Variants in RNPEP observed in about 807,000 individuals in gnomAD.
RNPEP encodes arginyl aminopeptidase, also known as aminopeptidase B.
In RNPEP, 57 loss-of-function variants were observed where a neutral mutation model predicts 70.1. That is an observed-to-expected ratio of 0.81 (90% CI 0.66 to 1.01). RNPEP has a LOEUF of 1.01. Ranked by LOEUF, RNPEP falls within the 50% of genes least tolerant of loss-of-function variation. RNPEP has a pLI of 0.00. For missense variants in RNPEP, 787 were observed against 852.4 expected (o/e 0.92, Z 0.96); for synonymous variants, 335 against 357.4 (o/e 0.94, Z 0.71).
rs1683715960 is a variant in RNPEP at position 201,999,826 on chromosome 1, AGTGTCTCTGTCAGGAAAATACACTTGGAT to A, written c.1091-72_1091-44del. 21 of 1,147,670 alleles carry A rather than the reference AGTGTCTCTGTCAGGAAAATACACTTGGAT, an allele frequency of 1.8e-5. No individual in the cohort carries two copies. The Admixed American group carries it at 4.3e-4, about 23-fold the overall frequency. The allele number at this position is 1,147,670 out of a possible 1,614,324, so 71.1% of individuals were successfully genotyped here. A position where few individuals can be genotyped will look rare whatever the true frequency, so the allele number is the denominator to read the frequency against. On this transcript the variant is annotated intron_variant, in intron 5 of 10. Transcript: ENST00000295640. Reference sequence around the variant, plus strand: ...TCTTGAGGCCACAAGGAGGCAGCACAGTGTCTCTGTCAGGAAAATACACTTGGATGTGGTGACAGACGTTTTCCCGAGGC... The same window carrying A: ...TCTTGAGGCCACAAGGAGGCAGCACAGTGGTGACAGACGTTTTCCCGAGGC...
At position 201,982,689 on chromosome 1, in the gene RNPEP, C is replaced by A; in HGVS notation, c.23C>A (p.Pro8His). The A allele has an allele frequency of 7.2e-7, 1 of 1,392,528 alleles. No individual in the cohort carries two copies. Among genetic ancestry groups the A allele is most frequent in the African/African-American group, 1.5e-5 (1 of 65,976 alleles). The allele number at this position is 1,392,528 out of a possible 1,614,324, so 86.3% of individuals were successfully genotyped here. A position where few individuals can be genotyped will look rare whatever the true frequency, so the allele number is the denominator to read the frequency against. The part of the protein sequence containing the change: MASGEHS[P>H]GSGAARRPLH... ...GCCATGGCGAGCGGCGAGCATTCCC[C>A]CGGCAGCGGCGCGGCCCGGCGGCCG... Residue 8 changes from proline (P) to histidine (H), a missense_variant, in exon 1 of 11, where the codon CCC (proline) becomes CAC (histidine). Transcript: ENST00000295640.
Position 201,985,179 on chromosome 1 carries a change from C to A in RNPEP, c.447+2066C>A, listed in dbSNP as rs1330125957. Among the ~76,000 whole-genome samples the A allele has an allele frequency of 5.1e-5, 7 of 136,524 alleles. No homozygotes were observed. The Admixed American group carries it at 5.4e-4, about 11-fold the overall frequency. 89.6% of individuals were successfully genotyped at this position (136,524 alleles called of 152,430 possible). On this transcript the variant is annotated intron_variant, in intron 1 of 10. Coordinates refer to ENST00000295640, the MANE Select transcript of RNPEP (RefSeq NM_020216.4). ...TTGCATTCCAGCCTGGGTGACACAG[C>A]GAGGCTCCATCTAAAAAAAAAAAAA...
At position 202,000,033 on chromosome 1, in the gene RNPEP, G is replaced by C. The variant is rs574786600; in HGVS notation, c.1204+18G>C. 1.9e-6 allele frequency: 3 copies of C among 1,570,106 alleles called. No individual in the cohort carries two copies. The highest frequency in any genetic ancestry group is 2.6e-6 in the Non-Finnish European group (3 of 1,142,030). On this transcript the variant is annotated intron_variant, in intron 6 of 10. Coordinates refer to ENST00000295640, the MANE Select transcript of RNPEP (RefSeq NM_020216.4). ...TGAACCAGGTCCAGGAGGCTCCTCT[G>C]TCTGACACCCACTCCCCTCAATTGA...
intron 3 of RNPEP, among the ~76,000 whole-genome samples, chr1:201,990,091 C>T (rs1329826120): frequency 7.9e-5 from 12 of 152,300 alleles, no homozygotes; most frequent in Admixed American, 5.9e-4. Flanking sequence ...GTGATTCACC[C>T]GCCTTGGCCT....
At chr1:202,001,116 G>A (rs1026738982) in intron 6 of RNPEP, 3 of 457,258 alleles carry the variant, frequency 6.6e-6, no homozygotes, top group African/African-American at 3.9e-5. Context: ...CTGAGATCTT[G>A]GAAGTACCTT....
chr1:202,004,234 G>C lies in RNPEP; in HGVS notation c.1652-120G>C, dbSNP rs193250827. The C allele has an allele frequency of 1.3e-4, 140 of 1,094,918 alleles. 4 individuals carry two copies. In the South Asian group the frequency reaches 2.1e-3, roughly 16 times the overall value. The allele number at this position is 1,094,918 out of a possible 1,614,324, so 67.8% of individuals were successfully genotyped here. On this transcript the variant is annotated intron_variant, in intron 9 of 10. Transcript: ENST00000295640. Reference sequence around the variant, plus strand: ...GTAGAGATGGGGTTTCGCCATATTGGCCAGGCTGGTCTCACATTCCTGACC... The same window carrying C: ...GTAGAGATGGGGTTTCGCCATATTGCCCAGGCTGGTCTCACATTCCTGACC...
At chr1:202,004,287 CA>C in intron 9 of RNPEP, 66 bp from the exon 10 acceptor site, 1 of 1,578,528 alleles carries the variant, frequency 6.3e-7, no homozygotes, top group Admixed American at 1.8e-5. Flanking sequence ...CTCAGCCTCC[CA>C]AAATTCTAGT....
Position 202,001,438 on chromosome 1 carries a change from T to C in RNPEP, c.1267T>C (p.Tyr423His). The change falls in exon 7 of 11, where the codon TAC (tyrosine) becomes CAC (histidine). Residue 423 changes from tyrosine to histidine, a missense_variant. Physicochemically the swap from Tyr to His is moderately conservative, Grantham distance 83 (BLOSUM62 2). Transcript: ENST00000295640. ...CGAGAAAGGTTTCTGCTTTGTTTCA[T>C]ACCTGGCCCACTTGGTGGGTGATCA... Reference protein sequence around the residue: ...PYEKGFCFVSYLAHLVGDQDQ... With the variant: ...PYEKGFCFVSHLAHLVGDQDQ... 6.2e-7 allele frequency: 1 copy of C among 1,613,954 alleles called. No homozygotes were observed. Among genetic ancestry groups the C allele is most frequent in the South Asian group, 1.1e-5 (1 of 91,082 alleles).
At position 202,001,486 on chromosome 1, in the gene RNPEP, A is replaced by G. The variant is rs539220247; in HGVS notation, c.1315A>G (p.Lys439Glu). The change falls in exon 7 of 11, where the codon AAG becomes GAG. Residue 439 changes from lysine (K) to glutamate (E), a missense_variant and splice_region_variant. By Grantham distance (56) the Lys-to-Glu change is moderately conservative (BLOSUM62 1). Transcript: ENST00000295640. ...GDQDQFDSFL[K>E]AYVHEFKFRS... ...TCAGGATCAGTTTGACAGTTTTCTC[A>G]AGGTATAGTCACATGAGGGGAGAAG... 4 of 1,603,986 alleles carry G rather than the reference A, an allele frequency of 2.5e-6. No homozygotes were observed. In the African/African-American group the frequency reaches 5.3e-5, roughly 21 times the overall value.
At chr1:202,000,788 G>A in intron 6 of RNPEP, among the ~76,000 whole-genome samples, 1 of 152,096 alleles carries the variant, frequency 6.6e-6, no homozygotes, top group South Asian at 2.1e-4. Context: ...CAGCTACTGG[G>A]GAGGCTGAGG....
intron 4 of RNPEP, among the ~76,000 whole-genome samples, chr1:201,996,685 G>T (rs937726104): frequency 6.6e-6 from 1 of 152,058 alleles, no homozygotes; most frequent in East Asian, 1.9e-4. Flanking sequence ...GTAGAGACAG[G>T]GTTTCACCAT....
Position 202,001,399 on chromosome 1 carries a change from A to G in RNPEP, c.1228A>G (p.Asn410Asp). Reference sequence around the variant, plus strand: ...AGGCGTTGACCCGGACGACACCTATAATGAGACCCCCTACGAGAAAGGTTT... The same window carrying G: ...AGGCGTTGACCCGGACGACACCTATGATGAGACCCCCTACGAGAAAGGTTT... ...EPGVDPDDTY[N>D]ETPYEKGFCF... is the part of the protein sequence containing the mutation. The change falls in exon 7 of 11, where the codon AAT (asparagine) becomes GAT (aspartate). Residue 410 changes from asparagine to aspartate, a missense_variant. Transcript: ENST00000295640. The G allele has an allele frequency of 6.2e-7, 1 of 1,613,810 alleles. No homozygotes were observed. Among genetic ancestry groups the G allele is most frequent in the Non-Finnish European group, 8.5e-7 (1 of 1,179,748 alleles).
intron 8 of RNPEP, 124 bp from the exon 9 acceptor site, chr1:202,003,113 T>C: frequency 1.5e-6 from 1 of 664,204 alleles, no homozygotes; most frequent in Non-Finnish European, 2.6e-6. Flanking sequence ...AAAGTAATGT[T>C]AAATGCTGGG....
chr1:201,990,140 C>T (rs960365766), intron 3 of RNPEP, among the ~76,000 whole-genome samples: 3 of 152,196 alleles, frequency 2.0e-5, no homozygotes, highest in Non-Finnish European at 4.4e-5. Context: ...CCATCATGCC[C>T]GGCCTGGGAA....
intron 10 of RNPEP, 36 bp from the exon 11 acceptor site, chr1:202,005,522 A>G (rs772291135): frequency 6.2e-7 from 1 of 1,608,412 alleles, no homozygotes; most frequent in Non-Finnish European, 8.5e-7. Flanking sequence ...TCCACCAGGC[A>G]AGCTTCTTAG....
intron 1 of RNPEP, among the ~76,000 whole-genome samples, chr1:201,984,603 G>A (rs1683058890): frequency 7.7e-6 from 1 of 130,240 alleles, no homozygotes; most frequent in African/African-American, 2.7e-5. Flanking sequence ...AACAGAGTGC[G>A]ACCCTGTTTT....
Position 202,003,304 on chromosome 1 carries a change from G to A in RNPEP, c.1494G>A (p.Gly498=), listed in dbSNP as rs947402418. 2 of 1,613,992 alleles carry A rather than the reference G, an allele frequency of 1.2e-6. No homozygotes were observed. Among genetic ancestry groups the A allele is most frequent in the African/African-American group, 1.3e-5 (1 of 74,900 alleles). The change falls in exon 9 of 11, where the codon GGG becomes GGA. Residue 498 remains glycine, a synonymous_variant. Coordinates refer to ENST00000295640, the MANE Select transcript of RNPEP (RefSeq NM_020216.4). ...CGTACCTCCCTGATCTCTCCCCTGG[G>A]GACTCACTCATGAAGCCTGCTGAAG... ...WPPYLPDLSP[G]DSLMKPAEEL... is the part of the protein sequence containing the mutation.
chr1:201,988,477 A>AC (rs1345290992), intron 1 of RNPEP, among the ~76,000 whole-genome samples: 1,612 of 147,992 alleles, frequency 0.011, 34 homozygotes, highest in Non-Finnish European at 0.016. Context: ...AAAAAAAAAA[A>AC]AAAAAACATA....
intron 9 of RNPEP, 48 bp from the exon 10 acceptor site, chr1:202,004,306 G>C: frequency 6.2e-7 from 1 of 1,607,946 alleles, no homozygotes; most frequent in South Asian, 1.1e-5. Context: ...AGTATTACAG[G>C]TGTGACCCAC....
Sources: allele counts gnomAD v4.1 joint callset (sites outside exome capture counted in the v4.1 genomes callset), GRCh38; gene constraint gnomAD v4.1.1; transcripts MANE v1.5; gene names NCBI Gene and HGNC (gene_info 2026-07-23, HGNC 2026-07-21).